Variants in TFDP1 observed in about 807,000 individuals in gnomAD.
TFDP1 encodes the protein DRTF1-polypeptide 1.
A neutral mutation model predicts 48.0 loss-of-function variants in TFDP1; 6 were observed. The ratio of observed to expected loss-of-function variants is 0.13; its 90% CI spans 0.07 to 0.25. TFDP1 has a LOEUF of 0.25. Ranked by LOEUF, TFDP1 falls within the 10% of genes least tolerant of loss-of-function variation. TFDP1 has a pLI of 1.00. For synonymous variants in TFDP1, 201 were observed against 211.6 expected, an observed-to-expected ratio of 0.95 and a Z score of 0.44; for missense variants, 335 against 543.0, an observed-to-expected ratio of 0.62 and a Z score of 3.81.
chr13:113,629,463 A>G (rs1159705727), intron 4 of TFDP1, among the ~76,000 whole-genome samples: 1 of 152,138 alleles, frequency 6.6e-6, no homozygotes, highest in Non-Finnish European at 1.5e-5. Context: ...TGACTTTAAG[A>G]TGGTCCAAAA....
In TFDP1 at chr13:113,635,760, C is replaced by T. The variant is rs542851796; in HGVS notation, c.688-217C>T. On this transcript the variant is annotated intron_variant, in intron 8 of 11. Transcript: ENST00000375370. ...ATCAGGGCACGGATGGCTGTGCGCC[C>T]GCTTTCCCTTAGTTCTCCCCTCAGG... is the stretch of plus-strand genomic sequence containing the variant. Among the ~76,000 whole-genome samples the T allele has an allele frequency of 5.3e-5, 8 of 152,300 alleles. No individual in the cohort carries two copies. The South Asian group carries it at 6.2e-4, about 12-fold the overall frequency.
chr13:113,607,587 C>T lies in TFDP1; in HGVS notation c.13-3409C>T, dbSNP rs181552586. On this transcript the variant is annotated intron_variant, in intron 2 of 11. Transcript: ENST00000375370. The surrounding 1 kb of genome is among the most constrained non-coding windows in gnomAD (Gnocchi z 5.2). ...TGTGCTGCGCATGCCCTGCAGTTAC[C>T]CCAGAGCTTTATGTCACAACATTGA... is the stretch of plus-strand genomic sequence containing the variant. Among the ~76,000 whole-genome samples the T allele has an allele frequency of 4.3e-4, 66 of 152,300 alleles. No individual in the cohort carries two copies. Among genetic ancestry groups the T allele is most frequent in the African/African-American group, 1.4e-3 (60 of 41,566 alleles).
intron 2 of TFDP1, among the ~76,000 whole-genome samples, chr13:113,595,903 A>G (rs2140305923): frequency 6.6e-6 from 1 of 152,330 alleles, no homozygotes; most frequent in Non-Finnish European, 1.5e-5. Flanking sequence ...TAACATGGTG[A>G]AACCCCGTCT....
chr13:113,622,596 C>T (rs1385985150), intron 3 of TFDP1, among the ~76,000 whole-genome samples: 1 of 152,204 alleles, frequency 6.6e-6, no homozygotes, highest in African/African-American at 2.4e-5. Context: ...CCGCCCTGTC[C>T]CTAGGACCTT....
chr13:113,596,495 G>A lies in TFDP1; in HGVS notation c.12+10646G>A, dbSNP rs181548607. On this transcript the variant is annotated intron_variant, in intron 2 of 11. Transcript: ENST00000375370. ...TGGATGAGGGGTTCCTCTTGCTTCAGGAGACCCTGGGTGTCCCCTCCCCAG... is the reference window on the plus strand; with the variant it reads ...TGGATGAGGGGTTCCTCTTGCTTCAAGAGACCCTGGGTGTCCCCTCCCCAG... Among the ~76,000 whole-genome samples, 415 of 152,276 alleles carry A rather than the reference G, an allele frequency of 2.7e-3. 1 individual carries two copies. Among genetic ancestry groups the A allele is most frequent in the African/African-American group, 9.5e-3 (397 of 41,574 alleles).
At chr13:113,631,843 G>A in intron 5 of TFDP1, 99 bp downstream of exon 5, 1 of 1,488,548 alleles carries the variant, frequency 6.7e-7, no homozygotes. Context: ...CGTGCGATGG[G>A]GCTCCCACGC....
At chr13:113,635,232 C>T (rs1417896117) in intron 8 of TFDP1, among the ~76,000 whole-genome samples, 1 of 152,166 alleles carries the variant, frequency 6.6e-6, no homozygotes, top group African/African-American at 2.4e-5. Flanking sequence ...GTGCTCACTG[C>T]AGAGCTGGCT....
chr13:113,636,270 T>C, intron 9 of TFDP1, 142 bp downstream of exon 9: 1 of 1,233,358 alleles, frequency 8.1e-7, no homozygotes, highest in Non-Finnish European at 1.1e-6. Flanking sequence ...TGGGGGGTGG[T>C]GGGAGGCTGC....
intron 2 of TFDP1, among the ~76,000 whole-genome samples, chr13:113,602,140 G>T (rs2048449612): frequency 6.6e-6 from 1 of 151,702 alleles, no homozygotes; most frequent in South Asian, 2.1e-4. Context: ...ACCCGCAGGA[G>T]TTGAGGGAGG....
chr13:113,619,239 G>A (rs1057333098), intron 3 of TFDP1, among the ~76,000 whole-genome samples: 2 of 152,142 alleles, frequency 1.3e-5, no homozygotes, highest in African/African-American at 4.8e-5. Flanking sequence ...TTGGGAGGCC[G>A]AGGCAGGCGG....
intron 2 of TFDP1, among the ~76,000 whole-genome samples, chr13:113,592,546 G>C (rs2048171203): frequency 1.3e-5 from 2 of 152,240 alleles, no homozygotes; most frequent in Non-Finnish European, 2.9e-5. Context: ...TTGGGATACA[G>C]TATCTTTTAA....
rs543042505 is a variant in TFDP1 at position 113,640,695 on chromosome 13, G to A, written c.*428G>A. ...TGGACGGCACCCCTGCTGGCGGATA[G>A]CAAGACTCTGTGGAGTTTGTTCAGT... On this transcript the variant is annotated 3_prime_UTR_variant, in exon 12 of 12. Transcript: ENST00000375370. 24 of 248,600 alleles carry A rather than the reference G, an allele frequency of 9.7e-5. No homozygotes were observed. Among genetic ancestry groups the A allele is most frequent in the Non-Finnish European group, 1.6e-4 (21 of 128,948 alleles). 15.4% of individuals were successfully genotyped at this position (248,600 alleles called of 1,614,324 possible). A position where few individuals can be genotyped will look rare whatever the true frequency, so the allele number is the denominator to read the frequency against.
chr13:113,614,189 A>G (rs184145285), intron 3 of TFDP1, among the ~76,000 whole-genome samples: 4 of 149,374 alleles, frequency 2.7e-5, no homozygotes, highest in Non-Finnish European at 4.5e-5. Context: ...AATGAGTTGT[A>G]TGTGTGTGTT....
chr13:113,639,089 T>G (rs1386056916), intron 11 of TFDP1, among the ~76,000 whole-genome samples: 1 of 152,190 alleles, frequency 6.6e-6, no homozygotes, highest in Admixed American at 6.5e-5. Flanking sequence ...GAGTTACTGA[T>G]CTGTGGCAAG....
chr13:113,618,119 C>T (rs545692317), intron 3 of TFDP1, among the ~76,000 whole-genome samples: 1 of 152,336 alleles, frequency 6.6e-6, no homozygotes, highest in African/African-American at 2.4e-5. Flanking sequence ...TCATGTGACT[C>T]AGCTTGTCCC....
intron 2 of TFDP1, among the ~76,000 whole-genome samples, chr13:113,599,670 T>A (rs983841866): frequency 6.6e-6 from 1 of 152,204 alleles, no homozygotes; most frequent in African/African-American, 2.4e-5. Flanking sequence ...GCCTGCCCTT[T>A]TCCCACCTTG....
At chr13:113,637,719 C>T (rs778917491) in intron 10 of TFDP1, 99 bp from the exon 11 acceptor site, 20 of 1,600,846 alleles carry the variant, frequency 1.2e-5, no homozygotes, top group East Asian at 4.5e-5. Context: ...CTTCTACAGC[C>T]GTCTGTCCTG....
At chr13:113,587,265 C>T (rs146234307) in intron 2 of TFDP1, among the ~76,000 whole-genome samples, 510 of 152,102 alleles carry the variant, frequency 3.4e-3, no homozygotes, top group Non-Finnish European at 4.8e-3. Flanking sequence ...GCACCTGAGA[C>T]GCAGCATTTG....
chr13:113,624,976 CAT>C lies in TFDP1; in HGVS notation c.186+1691_186+1692del, dbSNP rs199780676. Among the ~76,000 whole-genome samples the C allele has an allele frequency of 8.9e-5, 11 of 124,224 alleles. No homozygotes were observed. The East Asian group carries it at 2.6e-3, about 29-fold the overall frequency. 81.5% of individuals were successfully genotyped at this position (124,224 alleles called of 152,430 possible). A position where few individuals can be genotyped will look rare whatever the true frequency, so the allele number is the denominator to read the frequency against. ...CAGGTGTCTCTCAGGGTATCTCTCACATGTCCTCAGGTGTCTCTCACGTGTCC... is the reference window on the plus strand; with the variant it reads ...CAGGTGTCTCTCAGGGTATCTCTCACGTCCTCAGGTGTCTCTCACGTGTCC... On this transcript the variant is annotated intron_variant, in intron 4 of 11. Coordinates refer to ENST00000375370, the MANE Select transcript of TFDP1 (RefSeq NM_007111.5).
Sources: allele counts gnomAD v4.1 joint callset (sites outside exome capture counted in the v4.1 genomes callset), GRCh38; gene constraint gnomAD v4.1.1; non-coding constraint Gnocchi (gnomAD v3.1); transcripts MANE v1.5; gene names NCBI Gene and HGNC (gene_info 2026-07-23, HGNC 2026-07-21).